The following CATSPERT variants were observed in gnomAD, a reference collection of about 807,000 sequenced individuals.
CATSPERT encodes cation channel sperm-associated targeting subunit tau.
chr2:201,513,875 A>G, the CATSPERT span, among the ~76,000 whole-genome samples: 1 of 152,224 alleles, frequency 6.6e-6, no homozygotes, highest in African/African-American at 2.4e-5. Context: ...TTTTCTGACC[A>G]AGTAGAATTA....
At chr2:201,576,151 G>A in the CATSPERT span, among the ~76,000 whole-genome samples, 4 of 152,090 alleles carry the variant, frequency 2.6e-5, no homozygotes, top group Admixed American at 6.5e-5. Flanking sequence ...AGGGTGTATC[G>A]AGCATCCTTG....
At chr2:201,553,029 T>A in the CATSPERT span, 1 of 152,218 alleles carries the variant, frequency 6.6e-6, no homozygotes, top group African/African-American at 2.4e-5. Flanking sequence ...CCAGTGATGA[T>A]GAGATAGCTG....
the CATSPERT span, among the ~76,000 whole-genome samples, chr2:201,533,345 T>G: frequency 1.3e-5 from 2 of 152,216 alleles, no homozygotes; most frequent in African/African-American, 4.8e-5. Context: ...TTATTTCTTA[T>G]GGAAAAAGGC....
At chr2:201,600,737 G>A in the CATSPERT span, among the ~76,000 whole-genome samples, 4 of 143,232 alleles carry the variant, frequency 2.8e-5, no homozygotes, top group Non-Finnish European at 1.5e-5. Flanking sequence ...TCCTGCAGCT[G>A]TATGGAATAA....
chr2:201,582,087 A>G, the CATSPERT span: 1 of 1,598,930 alleles, frequency 6.3e-7, no homozygotes, highest in East Asian at 2.3e-5. Context: ...AAATCATTTT[A>G]TACATACCTG....
At chr2:201,566,817 A>G in the CATSPERT span, among the ~76,000 whole-genome samples, 190 of 152,256 alleles carry the variant, frequency 1.2e-3, no homozygotes, top group African/African-American at 4.4e-3. Flanking sequence ...TTAATATTTT[A>G]TTTTTAAAAT....
chr2:201,591,765 C>G, the CATSPERT span, among the ~76,000 whole-genome samples: 1 of 151,718 alleles, frequency 6.6e-6, no homozygotes, highest in South Asian at 2.1e-4. Flanking sequence ...TGGGAGTTCA[C>G]TCATGATTTG....
At chr2:201,610,666 G>T in the CATSPERT span, among the ~76,000 whole-genome samples, 1 of 152,020 alleles carries the variant, frequency 6.6e-6, no homozygotes, top group Non-Finnish European at 1.5e-5. Context: ...CAACAAAAAA[G>T]AAATCTATAG....
the CATSPERT span, chr2:201,549,618 A>G: frequency 6.6e-6 from 1 of 152,156 alleles, no homozygotes; most frequent in African/African-American, 2.4e-5. Context: ...ATAGGTTAAA[A>G]TTCTTTATAT....
At chr2:201,618,372 T>C in the CATSPERT span, among the ~76,000 whole-genome samples, 83 of 152,262 alleles carry the variant, frequency 5.5e-4, no homozygotes, top group South Asian at 5.6e-3. Flanking sequence ...TGGAATACTA[T>C]GCAGCCATAT....
the CATSPERT span, among the ~76,000 whole-genome samples, chr2:201,503,377 A>G: frequency 2.6e-5 from 4 of 152,066 alleles, no homozygotes; most frequent in Non-Finnish European, 5.9e-5. Context: ...TCAGGCACAC[A>G]TTGCTGGTAT....
the CATSPERT span, among the ~76,000 whole-genome samples, chr2:201,584,928 G>GA: frequency 1.3e-5 from 2 of 151,920 alleles, no homozygotes; most frequent in East Asian, 3.9e-4. Flanking sequence ...GAAATTAGAA[G>GA]AAAAAAATAT....
chr2:201,495,928 T>C, the CATSPERT span: 3 of 1,599,778 alleles, frequency 1.9e-6, no homozygotes, highest in Non-Finnish European at 1.7e-6. Context: ...TATATTCTGG[T>C]CTGAAAGATG....
the CATSPERT span, among the ~76,000 whole-genome samples, chr2:201,610,549 C>T: frequency 6.6e-6 from 1 of 151,740 alleles, no homozygotes; most frequent in African/African-American, 2.4e-5. Flanking sequence ...GAAGAACTAA[C>T]ATGAATTCTC....
chr2:201,525,431 C>G, the CATSPERT span, among the ~76,000 whole-genome samples: 2 of 152,024 alleles, frequency 1.3e-5, no homozygotes, highest in African/African-American at 4.8e-5. Flanking sequence ...ATAAAACATA[C>G]CAAGATCTCT....
the CATSPERT span, among the ~76,000 whole-genome samples, chr2:201,488,474 T>G: frequency 6.6e-6 from 1 of 152,216 alleles, no homozygotes; most frequent in Non-Finnish European, 1.5e-5. Flanking sequence ...AATAAAAAAT[T>G]GCATGTATAC....
At chr2:201,496,194 C>T in the CATSPERT span, among the ~76,000 whole-genome samples, 2 of 151,426 alleles carry the variant, frequency 1.3e-5, no homozygotes, top group Admixed American at 1.3e-4. Context: ...TTTGTAAAGT[C>T]AAAATAATGC....
the CATSPERT span, chr2:201,494,546 T>C: frequency 2.0e-6 from 3 of 1,536,848 alleles, no homozygotes; most frequent in African/African-American, 1.4e-5. Context: ...ATCTTTGTTG[T>C]GAAGATATTA....
chr2:201,593,640 T>A, the CATSPERT span, among the ~76,000 whole-genome samples: 1 of 149,194 alleles, frequency 6.7e-6, no homozygotes, highest in African/African-American at 2.5e-5. Context: ...ACTCAGGACT[T>A]GCTTTATGAA....
Sources: allele counts gnomAD v4.1 joint callset (sites outside exome capture counted in the v4.1 genomes callset), GRCh38; gene constraint gnomAD v4.1.1; transcripts MANE v1.5; gene names NCBI Gene and HGNC (gene_info 2026-07-23, HGNC 2026-07-21).